The following CACNA2D1 variants were observed in gnomAD, a reference collection of about 807,000 sequenced individuals.
CACNA2D1 encodes the protein voltage-dependent calcium channel subunit alpha-2/delta-1.
A neutral mutation model predicts 171.5 loss-of-function variants in CACNA2D1; 53 were observed. That is an observed-to-expected ratio of 0.31 (90% CI 0.25 to 0.39). The LOEUF (loss-of-function observed/expected upper bound fraction) is 0.39. Ranked by LOEUF, CACNA2D1 falls within the 10% of genes least tolerant of loss-of-function variation. The pLI is 1.00. For synonymous variants in CACNA2D1, 442 were observed against 443.1 expected (o/e 1.00, Z 0.03); for missense variants, 903 against 1,299.8 (o/e 0.69, Z 4.69).
In CACNA2D1 at chr7:81,962,450, G is replaced by T; in HGVS notation, c.2826C>A (p.Leu942=). The change falls in exon 35 of 39, where the codon CTC becomes CTA. Residue 942 remains leucine (L), a synonymous_variant. Transcript: ENST00000356860. ...QFLLSLTFPR[L]LEAVEMEDDD... is the part of the protein sequence containing the mutation. ...TGAGCATTTACATACCTGCCTCAAG[G>T]AGTCGTGGAAAGGTCAAACTCAAGA... The T allele has an allele frequency of 6.2e-7, 1 of 1,605,738 alleles. No individual in the cohort carries two copies. Among genetic ancestry groups the T allele is most frequent in the Non-Finnish European group, 8.5e-7 (1 of 1,175,270 alleles).
At chr7:82,301,394 G>T (rs987814918) in intron 3 of CACNA2D1, among the ~76,000 whole-genome samples, 5 of 152,006 alleles carry the variant, frequency 3.3e-5, no homozygotes, top group African/African-American at 1.2e-4. Context: ...CAAAGTGCTG[G>T]GATTATAAGC....
intron 1 of CACNA2D1, among the ~76,000 whole-genome samples, chr7:82,388,882 G>A (rs545281526): frequency 2.7e-4 from 41 of 152,054 alleles, no homozygotes; most frequent in Admixed American, 2.6e-3. Context: ...TTAGGAGGCC[G>A]AGGCTGGCGG....
chr7:82,293,273 C>CT (rs753965465), intron 3 of CACNA2D1, among the ~76,000 whole-genome samples: 19 of 151,976 alleles, frequency 1.3e-4, no homozygotes, highest in Non-Finnish European at 2.2e-4. Context: ...TCGGTTGCCT[C>CT]TGTTTTTTGC....
intron 3 of CACNA2D1, among the ~76,000 whole-genome samples, chr7:82,200,204 G>A (rs1483211047): frequency 1.3e-5 from 2 of 151,996 alleles, no homozygotes; most frequent in Non-Finnish European, 1.5e-5. Flanking sequence ...TACTCTTAGC[G>A]ACTCAAGTAG....
chr7:82,005,520 AGCTTGG>A, intron 17 of CACNA2D1, 23 bp from the exon 18 acceptor site: 1 of 1,398,848 alleles, frequency 7.1e-7, no homozygotes, highest in Non-Finnish European at 1.0e-6. Flanking sequence ...AAAAAAAAAA[AGCTTGG>A]ATATGCCTGA....
chr7:82,203,742 G>T (rs913819598), intron 3 of CACNA2D1, among the ~76,000 whole-genome samples: 1 of 152,210 alleles, frequency 6.6e-6, no homozygotes, highest in Non-Finnish European at 1.5e-5. Context: ...GAAAGGAGCT[G>T]AGCTCCATTA....
chr7:82,136,225 G>C (rs1419831407), intron 5 of CACNA2D1, among the ~76,000 whole-genome samples: 1 of 152,158 alleles, frequency 6.6e-6, no homozygotes, highest in Non-Finnish European at 1.5e-5. Context: ...TCATATTGTA[G>C]TTGAAGTAAA....
intron 3 of CACNA2D1, among the ~76,000 whole-genome samples, chr7:82,243,721 C>A (rs1804591043): frequency 6.6e-6 from 1 of 152,172 alleles, no homozygotes; most frequent in Non-Finnish European, 1.5e-5. Context: ...CACCATGCTA[C>A]ATGGGTGCAG....
intron 2 of CACNA2D1, among the ~76,000 whole-genome samples, chr7:82,336,501 T>C (rs1298303871): frequency 6.6e-6 from 1 of 152,192 alleles, no homozygotes; most frequent in Non-Finnish European, 1.5e-5. Flanking sequence ...ACCATACTCA[T>C]GTGAACTTTG....
intron 3 of CACNA2D1, among the ~76,000 whole-genome samples, chr7:82,326,677 A>T (rs546393671): frequency 1.8e-4 from 27 of 147,028 alleles, no homozygotes; most frequent in African/African-American, 6.4e-4. Flanking sequence ...CCTTGTTTTT[A>T]CCCAGAACAC....
At chr7:82,140,483 G>A (rs929481196) in intron 4 of CACNA2D1, among the ~76,000 whole-genome samples, 2 of 152,000 alleles carry the variant, frequency 1.3e-5, no homozygotes, top group Non-Finnish European at 2.9e-5. Context: ...ATTTTAATAA[G>A]AATAAATTTA....
In CACNA2D1 at chr7:82,111,444, A is replaced by ATTT. The variant is rs869125211; in HGVS notation, c.526+5597_526+5599dup. Among the ~76,000 whole-genome samples the ATTT allele has an allele frequency of 3.3e-4, 23 of 69,962 alleles. 1 individual carries two copies. Among genetic ancestry groups the ATTT allele is most frequent in the South Asian group, 9.8e-4 (2 of 2,048 alleles). 45.9% of individuals were successfully genotyped at this position (69,962 alleles called of 152,430 possible). Reference sequence around the variant, plus strand: ...TATATGTGTGTATATATATATATATATTTTTTTTTTTTTTTTTTTTTGAGA... The same window carrying ATTT: ...TATATGTGTGTATATATATATATATATTTTTTTTTTTTTTTTTTTTTTTTGAGA... On this transcript the variant is annotated intron_variant, in intron 6 of 38. Transcript: ENST00000356860.
intron 7 of CACNA2D1, among the ~76,000 whole-genome samples, chr7:82,068,427 G>C (rs927737680): frequency 2.0e-5 from 3 of 152,128 alleles, no homozygotes; most frequent in African/African-American, 7.2e-5. Context: ...GGAACTGGGG[G>C]ATTAGGACCT....
At chr7:82,072,480 T>A (rs1808439999) in intron 7 of CACNA2D1, among the ~76,000 whole-genome samples, 1 of 151,750 alleles carries the variant, frequency 6.6e-6, no homozygotes, top group East Asian at 1.9e-4. Context: ...TTCTAGTGAG[T>A]CCCAAATACA....
At chr7:82,238,097 T>C (rs1028666246) in intron 3 of CACNA2D1, among the ~76,000 whole-genome samples, 3 of 152,010 alleles carry the variant, frequency 2.0e-5, no homozygotes, top group African/African-American at 4.8e-5. Context: ...AATGAAAAGA[T>C]AGAGGTCCTG....
At chr7:82,430,139 C>T (rs755319903) in intron 1 of CACNA2D1, among the ~76,000 whole-genome samples, 1 of 106,446 alleles carries the variant, frequency 9.4e-6, no homozygotes, top group Non-Finnish European at 1.9e-5. Context: ...GTTGGCTGGG[C>T]GCAGTGGCTC....
rs1185112892 is a variant in CACNA2D1 at position 81,947,684 on chromosome 7, T to A, written c.*2708A>T. 6.6e-6 allele frequency: 1 copy of A among 151,954 alleles called. No homozygotes were observed. Among genetic ancestry groups the A allele is most frequent in the East Asian group, 1.9e-4 (1 of 5,180 alleles). The allele number at this position is 151,954 out of a possible 1,614,324, so 9.4% of individuals were successfully genotyped here. ...CTTTTTTATTGATCTGTTGTACTGTTCAGTCGTTGGAAATCAATATTAATA... is the reference window on the plus strand; with the variant it reads ...CTTTTTTATTGATCTGTTGTACTGTACAGTCGTTGGAAATCAATATTAATA... On this transcript the variant is annotated 3_prime_UTR_variant, in exon 39 of 39. Transcript: ENST00000356860.
rs73151546 is a variant in CACNA2D1, at chr7:82,085,536, G to A, written c.527-636C>T. ...CCTGCTACCTTAAAAAAAAAAAAAA[G>A]AAAAAAAGTCATTGGGCATAGCTAA... On this transcript the variant is annotated intron_variant, in intron 6 of 38. Transcript: ENST00000356860. Among the ~76,000 whole-genome samples, 347 of 146,486 alleles carry A rather than the reference G, an allele frequency of 2.4e-3. 4 individuals are homozygous for A. The highest frequency in any genetic ancestry group is 0.017 in the East Asian group (86 of 4,936).
chr7:81,968,756 T>G, intron 29 of CACNA2D1, 131 bp downstream of exon 29: 1 of 635,556 alleles, frequency 1.6e-6, no homozygotes, highest in Non-Finnish European at 2.8e-6. Flanking sequence ...TTTAATTTTT[T>G]TAAGTGTGCA....
Sources: gnomAD v4.1 joint callset for allele counts (sites outside exome capture counted in the v4.1 genomes callset) on GRCh38, gnomAD v4.1.1 for gene constraint, MANE v1.5 for transcripts, NCBI Gene and HGNC (gene_info 2026-07-23, HGNC 2026-07-21) for gene names.